Variants in ABCB9 observed in about 807,000 individuals in gnomAD.
The protein encoded by ABCB9 is ABC-type oligopeptide transporter ABCB9.
In ABCB9, 36 loss-of-function variants were observed where a neutral mutation model predicts 62.0. The observed-to-expected ratio is 0.58, with a 90% CI of 0.45 to 0.77. ABCB9 has a LOEUF of 0.77. Among genes scored for constraint, ABCB9 ranks in the 30% least tolerant of loss-of-function variants. The pLI is 0.00. For synonymous variants in ABCB9, 435 were observed against 461.4 expected, an observed-to-expected ratio of 0.94 and a Z score of 0.73; for missense variants, 943 against 1,054.7, an observed-to-expected ratio of 0.89 and a Z score of 1.47.
At chr12:122,956,139 C>A (rs1490811191) in intron 2 of ABCB9, among the ~76,000 whole-genome samples, 2 of 152,196 alleles carry the variant, frequency 1.3e-5, no homozygotes, top group South Asian at 2.1e-4. Flanking sequence ...CCAGGAGAAA[C>A]TGCCTGGTTT....
At chr12:122,961,713 C>T (rs2036918207) in intron 1 of ABCB9, among the ~76,000 whole-genome samples, 1 of 152,158 alleles carries the variant, frequency 6.6e-6, no homozygotes. Flanking sequence ...GATTTTGCAT[C>T]CATAGTGAGG....
At chr12:122,973,570 C>CAA (rs2037315400) in intron 1 of ABCB9, among the ~76,000 whole-genome samples, 3 of 25,442 alleles carry the variant, frequency 1.2e-4, no homozygotes, top group Admixed American at 7.2e-4. Flanking sequence ...GACTCCGTCT[C>CAA]AAAAAAAGAA....
At chr12:122,952,568 G>A (rs1448431864) in intron 2 of ABCB9, 1 of 152,218 alleles carries the variant, frequency 6.6e-6, no homozygotes, top group African/African-American at 2.4e-5. Flanking sequence ...GTCTCCAGCT[G>A]AGGCTGCAGA....
chr12:122,951,630 T>C (rs952323291), intron 2 of ABCB9: 1 of 152,170 alleles, frequency 6.6e-6, no homozygotes, highest in African/African-American at 2.4e-5. Context: ...AGAGTCCAAA[T>C]TCTGGAACCT....
At chr12:122,950,345 T>C in intron 3 of ABCB9, 106 bp downstream of exon 3, 2 of 1,133,732 alleles carry the variant, frequency 1.8e-6, no homozygotes, top group South Asian at 3.0e-5. Context: ...CCAGGGGCAT[T>C]TCCAGGGCCT....
chr12:122,940,067 A>T lies in ABCB9; in HGVS notation c.1743+44T>A. 6.3e-7 allele frequency: 1 copy of T among 1,575,428 alleles called. No individual in the cohort carries two copies. Among genetic ancestry groups the T allele is most frequent in the Non-Finnish European group, 8.6e-7 (1 of 1,158,954 alleles). ...TACAGCTCACAAGAAAGACGGTTAGATGCAGAAAGGGCGGAGAAGTGTGGC... is the reference window on the plus strand; with the variant it reads ...TACAGCTCACAAGAAAGACGGTTAGTTGCAGAAAGGGCGGAGAAGTGTGGC... On this transcript the variant is annotated intron_variant, in intron 9 of 11. Transcript: ENST00000280560. This position sits in a 1 kb window ranked among gnomAD's most constrained non-coding sequence, Gnocchi z 4.8.
chr12:122,918,677 C>T (rs1033233013), downstream of ABCB9, among the ~76,000 whole-genome samples: 6 of 152,010 alleles, frequency 3.9e-5, no homozygotes, highest in African/African-American at 1.4e-4. Context: ...AGGCTGGTCT[C>T]GAACTCCTGG....
chr12:122,963,370 G>A (rs1019363199), intron 1 of ABCB9, among the ~76,000 whole-genome samples: 2 of 152,194 alleles, frequency 1.3e-5, no homozygotes, highest in African/African-American at 4.8e-5. Context: ...TGATAAGACT[G>A]CTGAGGCTAA....
chr12:122,926,190 T>TA (rs1386720429), downstream of ABCB9, among the ~76,000 whole-genome samples: 1 of 152,216 alleles, frequency 6.6e-6, no homozygotes, highest in Non-Finnish European at 1.5e-5. Context: ...ATCATAAGTG[T>TA]ACTAGATGTC....
At chr12:122,942,225 G>A (rs2035798787) in intron 7 of ABCB9, among the ~76,000 whole-genome samples, 2 of 152,056 alleles carry the variant, frequency 1.3e-5, no homozygotes, top group South Asian at 4.1e-4. Context: ...TTGGTGATAA[G>A]GGGGTGATAT....
rs1222681551 is a variant in ABCB9 at position 122,944,228 on chromosome 12, C to T, written c.1380+163G>A. Among the ~76,000 whole-genome samples, 6 of 152,142 alleles carry T rather than the reference C, an allele frequency of 3.9e-5. No homozygotes were observed. Among genetic ancestry groups the T allele is most frequent in the Non-Finnish European group, 5.9e-5 (4 of 68,020 alleles). On this transcript the variant is annotated intron_variant, in intron 7 of 11. Coordinates refer to ENST00000280560, the MANE Select transcript of ABCB9 (RefSeq NM_019625.4). The surrounding 1 kb of genome is among the most constrained non-coding windows in gnomAD (Gnocchi z 4.9). Reference sequence around the variant, plus strand: ...ATAGGCGTGAGCCACCACGCCCTGCCTAGTATTATCATTCTTGATATGATC... The same window carrying T: ...ATAGGCGTGAGCCACCACGCCCTGCTTAGTATTATCATTCTTGATATGATC...
intron 2 of ABCB9, among the ~76,000 whole-genome samples, chr12:122,951,211 ATTTG>A (rs1458014780): frequency 6.9e-6 from 1 of 144,160 alleles, no homozygotes; most frequent in Non-Finnish European, 1.5e-5. Flanking sequence ...AGAAAAATTA[ATTTG>A]TTTTTCTTTT....
rs1019939809 is a variant in ABCB9, at chr12:122,964,668, C to T, written c.-88+1619G>A. ...CTCCAACTGCCTGACTCAGAGGATG[C>T]GCTGGGCTCGGCCAGGTGGAGCTGG... is the stretch of plus-strand genomic sequence containing the variant. On this transcript the variant is annotated intron_variant, in intron 1 of 11. Coordinates refer to ENST00000280560, the MANE Select transcript of ABCB9 (RefSeq NM_019625.4). The surrounding 1 kb of genome is among the most constrained non-coding windows in gnomAD (Gnocchi z 4.7). 3.9e-5 allele frequency among the ~76,000 whole-genome samples: 6 copies of T among 152,226 alleles called. No individual in the cohort carries two copies. The highest frequency in any genetic ancestry group is 2.1e-4 in the South Asian group (1 of 4,830).
At chr12:122,923,006 C>T (rs1180473353) in intron 11 of ABCB9, among the ~76,000 whole-genome samples, 2 of 151,972 alleles carry the variant, frequency 1.3e-5, no homozygotes, top group East Asian at 1.9e-4. Context: ...GATGGGGTCT[C>T]ACTATGTTGC....
chr12:122,962,583 C>A (rs2036964268), intron 1 of ABCB9, among the ~76,000 whole-genome samples: 1 of 152,146 alleles, frequency 6.6e-6, no homozygotes, highest in South Asian at 2.1e-4. Flanking sequence ...GAGACAAAAC[C>A]ACCTGATCCA....
chr12:122,932,269 G>C lies in ABCB9; in HGVS notation c.1963C>G (p.Arg655Gly). 1 of 1,551,492 alleles carries C rather than the reference G, an allele frequency of 6.4e-7. No individual in the cohort carries two copies. The highest frequency in any genetic ancestry group is 8.7e-7 in the Non-Finnish European group (1 of 1,147,180). ...GGQKQRVAMARALVRNPPVLI... is the reference protein window; with the variant it reads ...GGQKQRVAMAGALVRNPPVLI... Reference sequence around the variant, plus strand: ...ACTGGGGGGTTCCGCACCAGAGCCCGGGCCATGGCCACCCGCTGCTTCTGG... The same window carrying C: ...ACTGGGGGGTTCCGCACCAGAGCCCCGGCCATGGCCACCCGCTGCTTCTGG... Residue 655 changes from arginine to glycine, a missense_variant, in exon 11 of 12, where the codon CGG becomes GGG. Arg to Gly is a moderately radical substitution (Grantham distance 125, BLOSUM62 -2). Transcript: ENST00000280560. The surrounding 1 kb of genome is among the most constrained non-coding windows in gnomAD (Gnocchi z 4.7).
chr12:122,935,927 C>T (rs1035873136), intron 9 of ABCB9, among the ~76,000 whole-genome samples: 1 of 151,828 alleles, frequency 6.6e-6, no homozygotes, highest in Non-Finnish European at 1.5e-5. Context: ...ATAGTATGGC[C>T]AGGCCTGGTG....
At chr12:122,971,982 T>C (rs939610874) in intron 1 of ABCB9, among the ~76,000 whole-genome samples, 1 of 152,042 alleles carries the variant, frequency 6.6e-6, no homozygotes, top group African/African-American at 2.4e-5. Flanking sequence ...TAAATTTCGT[T>C]ATGTAGATGT....
chr12:122,971,386 C>CAAA (rs1325058090), upstream of ABCB9, among the ~76,000 whole-genome samples: 3 of 53,916 alleles, frequency 5.6e-5, no homozygotes, highest in African/African-American at 1.1e-4. Context: ...GACTCCATCT[C>CAAA]AAAAAAAAAA....
Sources: gnomAD v4.1 joint callset for allele counts (sites outside exome capture counted in the v4.1 genomes callset) on GRCh38, gnomAD v4.1.1 for gene constraint, Gnocchi (gnomAD v3.1) non-coding constraint, MANE v1.5 for transcripts, NCBI Gene and HGNC (gene_info 2026-07-23, HGNC 2026-07-21) for gene names.